The following ABLIM1 variants were observed in gnomAD, a reference collection of about 807,000 sequenced individuals.
ABLIM1 encodes actin-binding LIM protein 1.
A neutral mutation model predicts 107.0 loss-of-function variants in ABLIM1; 40 were observed. The observed-to-expected ratio is 0.37, with a 90% CI of 0.29 to 0.49. ABLIM1 has a LOEUF of 0.49. Ranked by LOEUF, ABLIM1 falls within the 20% of genes least tolerant of loss-of-function variation. ABLIM1 has a pLI of 0.97. For missense variants in ABLIM1, 857 were observed against 1,008.5 expected (o/e 0.85, Z 2.04); for synonymous variants, 357 against 357.3 (o/e 1.00, Z 0.01).
At chr10:114,616,404 C>A (rs1198229368) in intron 1 of ABLIM1, among the ~76,000 whole-genome samples, 7 of 152,196 alleles carry the variant, frequency 4.6e-5, no homozygotes, top group African/African-American at 7.2e-5. Context: ...GCATCATTAG[C>A]CACCTCATTT....
At chr10:114,767,776 G>A (rs1198984580) in intron 1 of ABLIM1, among the ~76,000 whole-genome samples, 1 of 152,262 alleles carries the variant, frequency 6.6e-6, no homozygotes, top group Admixed American at 6.5e-5. Flanking sequence ...CGGCAGGGCA[G>A]CCAGCGCGAG....
At chr10:114,558,554 G>A (rs547829102) in intron 4 of ABLIM1, among the ~76,000 whole-genome samples, 46 of 152,260 alleles carry the variant, frequency 3.0e-4, no homozygotes, top group Admixed American at 7.2e-4. Context: ...CTCAGGGCCT[G>A]CTTGGAATAG....
At chr10:114,437,990 C>A (rs2059667088) in intron 21 of ABLIM1, 66 bp from the exon 22 acceptor site, 1 of 1,453,428 alleles carries the variant, frequency 6.9e-7, no homozygotes, top group Admixed American at 1.7e-5. Context: ...CAGAATCCAC[C>A]TAAACGCTAG....
intron 6 of ABLIM1, among the ~76,000 whole-genome samples, chr10:114,522,580 C>G (rs2063912506): frequency 6.6e-6 from 1 of 152,108 alleles, no homozygotes; most frequent in Non-Finnish European, 1.5e-5. Flanking sequence ...TACTATTCAG[C>G]AGTAAGGAAA....
At chr10:114,648,913 G>T (rs1290118350) in intron 1 of ABLIM1, among the ~76,000 whole-genome samples, 1 of 151,838 alleles carries the variant, frequency 6.6e-6, no homozygotes, top group Non-Finnish European at 1.5e-5. Context: ...GACTCCACAG[G>T]AAAGTTTCAC....
intron 1 of ABLIM1, among the ~76,000 whole-genome samples, chr10:114,603,351 G>A (rs149937064): frequency 1.1e-4 from 16 of 152,164 alleles, no homozygotes; most frequent in African/African-American, 1.4e-4. Context: ...TGAGAAACAA[G>A]GTTCTTCTTG....
chr10:114,580,871 C>T (rs1034352729), intron 2 of ABLIM1, among the ~76,000 whole-genome samples: 13 of 152,156 alleles, frequency 8.5e-5, no homozygotes, highest in Non-Finnish European at 1.6e-4. Context: ...TAGTCGTTAG[C>T]TGACAGTTAA....
At chr10:114,464,112 G>A (rs900973012) in intron 12 of ABLIM1, among the ~76,000 whole-genome samples, 10 of 151,758 alleles carry the variant, frequency 6.6e-5, no homozygotes, top group Admixed American at 1.3e-4. Flanking sequence ...ACCCCACGCC[G>A]CTCCGGCAAC....
At chr10:114,447,766 T>C in intron 15 of ABLIM1, 114 bp downstream of exon 15, 1 of 1,439,418 alleles carries the variant, frequency 6.9e-7, no homozygotes, top group Non-Finnish European at 9.5e-7. Flanking sequence ...CTCTTGGTCA[T>C]ACTTTTCTTT....
At chr10:114,786,885 T>C in the ABLIM1 span, among the ~76,000 whole-genome samples, 1 of 152,066 alleles carries the variant, frequency 6.6e-6, no homozygotes, top group African/African-American at 2.4e-5. Flanking sequence ...CCTCCCAAAG[T>C]GTGGAGATTG....
chr10:114,506,043 A>C (rs1166659567), intron 6 of ABLIM1, among the ~76,000 whole-genome samples: 1 of 152,160 alleles, frequency 6.6e-6, no homozygotes, highest in Non-Finnish European at 1.5e-5. Flanking sequence ...GTAGTCCCTA[A>C]TGTCTACTGT....
intron 1 of ABLIM1, among the ~76,000 whole-genome samples, chr10:114,630,396 A>T (rs570867890): frequency 6.6e-6 from 1 of 152,190 alleles, no homozygotes; most frequent in Admixed American, 6.5e-5. Flanking sequence ...AGCACCCCCA[A>T]AAGAGTGGAA....
the ABLIM1 span, among the ~76,000 whole-genome samples, chr10:114,783,947 G>C: frequency 3.9e-5 from 6 of 152,074 alleles, no homozygotes; most frequent in Non-Finnish European, 8.8e-5. Flanking sequence ...CACGGAAGCT[G>C]TTAGTGACCT....
chr10:114,497,492 A>G (rs1205815635), intron 6 of ABLIM1, among the ~76,000 whole-genome samples: 3 of 152,122 alleles, frequency 2.0e-5, no homozygotes, highest in African/African-American at 7.2e-5. Context: ...ATCCTGGTCA[A>G]CACGGTGAAA....
chr10:114,734,159 C>A (rs1454783669), intron 1 of ABLIM1, among the ~76,000 whole-genome samples: 3 of 152,078 alleles, frequency 2.0e-5, no homozygotes, highest in Non-Finnish European at 2.9e-5. Context: ...CACGCTTGGC[C>A]ATGACCTTGC....
chr10:114,569,241 C>T (rs2071272713), intron 4 of ABLIM1, among the ~76,000 whole-genome samples: 1 of 152,150 alleles, frequency 6.6e-6, no homozygotes, highest in Non-Finnish European at 1.5e-5. Context: ...CCATGATGGG[C>T]CTTGTGGACG....
At chr10:114,762,298 G>C (rs1049905385) in intron 1 of ABLIM1, among the ~76,000 whole-genome samples, 3 of 152,142 alleles carry the variant, frequency 2.0e-5, no homozygotes, top group African/African-American at 7.2e-5. Flanking sequence ...CTCCCAAAGT[G>C]CTGGGATTAC....
chr10:114,667,587 T>C (rs2141338585), intron 1 of ABLIM1, among the ~76,000 whole-genome samples: 1 of 152,376 alleles, frequency 6.6e-6, no homozygotes, highest in Non-Finnish European at 1.5e-5. Flanking sequence ...TGATGAGTTT[T>C]AACAAATGCT....
chr10:114,560,307 T>TG (rs2069496178), intron 4 of ABLIM1, among the ~76,000 whole-genome samples: 2 of 152,352 alleles, frequency 1.3e-5, no homozygotes, highest in East Asian at 3.9e-4. Context: ...GTAAACATTA[T>TG]TCAGCCATAA....
Sources: allele counts gnomAD v4.1 joint callset (sites outside exome capture counted in the v4.1 genomes callset), GRCh38; gene constraint gnomAD v4.1.1; transcripts MANE v1.5; gene names NCBI Gene and HGNC (gene_info 2026-07-23, HGNC 2026-07-21).